Variants in ARID4B observed in about 807,000 individuals in gnomAD.
ARID4B encodes AT-rich interaction domain 4B.
In ARID4B, 26 loss-of-function variants were observed where a neutral mutation model predicts 147.5. That is an observed-to-expected ratio of 0.18 (90% confidence interval 0.13 to 0.24). The LOEUF (loss-of-function observed/expected upper bound fraction) is 0.24. Among genes scored for constraint, ARID4B ranks in the 10% least tolerant of loss-of-function variants. The probability of loss-of-function intolerance (pLI) is 1.00; values close to 1 mark genes in which losing one functional copy is unlikely to be tolerated. For synonymous variants in ARID4B, 512 were observed against 507.9 expected, an observed-to-expected ratio of 1.01 and a Z score of -0.11; for missense variants, 1,179 against 1,511.5, an observed-to-expected ratio of 0.78 and a Z score of 3.65.
chr1:235,279,148 C>G (rs771231990), intron 2 of ARID4B, among the ~76,000 whole-genome samples: 2 of 152,076 alleles, frequency 1.3e-5, no homozygotes, highest in Non-Finnish European at 2.9e-5. Flanking sequence ...AGAAACTCTC[C>G]GGGAGGGAAA....
At chr1:235,279,285 C>T (rs1671522130) in intron 2 of ARID4B, among the ~76,000 whole-genome samples, 1 of 151,970 alleles carries the variant, frequency 6.6e-6, no homozygotes, top group Non-Finnish European at 1.5e-5. Flanking sequence ...AATAGATATG[C>T]TCAGAAACTA....
chr1:235,211,538 C>G (rs1666721673), intron 17 of ARID4B, among the ~76,000 whole-genome samples: 1 of 152,160 alleles, frequency 6.6e-6, no homozygotes, highest in African/African-American at 2.4e-5. Flanking sequence ...GTGACTCTAT[C>G]TCATGGGCAT....
intron 19 of ARID4B, among the ~76,000 whole-genome samples, chr1:235,187,369 C>T (rs998978569): frequency 1.3e-5 from 2 of 152,178 alleles, no homozygotes; most frequent in African/African-American, 4.8e-5. Flanking sequence ...CAGGTGTGAG[C>T]CACCGTGCCC....
chr1:235,297,698 T>C (rs552968732), intron 2 of ARID4B, among the ~76,000 whole-genome samples: 2 of 152,098 alleles, frequency 1.3e-5, no homozygotes, highest in Non-Finnish European at 2.9e-5. Context: ...CAGCACCTCT[T>C]ATAAACAATG....
At chr1:235,272,821 T>TTTG (rs71172283) in intron 2 of ARID4B, among the ~76,000 whole-genome samples, 64,465 of 151,660 alleles carry the variant, frequency 0.43, 14,340 homozygotes, top group South Asian at 0.6. Context: ...TCTATATTAA[T>TTTG]TTATTATTAC....
At chr1:235,169,333 T>C (rs6670078) in intron 23 of ARID4B, among the ~76,000 whole-genome samples, 71,207 of 150,422 alleles carry the variant, frequency 0.47, 17,143 homozygotes, top group South Asian at 0.62. Context: ...TTCTGCCTCC[T>C]GAGTTCACGC....
At chr1:235,170,910 CAAAA>C (rs1164420998) in intron 23 of ARID4B, among the ~76,000 whole-genome samples, 3 of 61,446 alleles carry the variant, frequency 4.9e-5, no homozygotes, top group Non-Finnish European at 6.9e-5. Flanking sequence ...GACTCCGTCT[CAAAA>C]AAAAAAAAAA....
Position 235,192,954 on chromosome 1 carries a change from G to A in ARID4B, c.2125+1059C>T, listed in dbSNP as rs371269247. On this transcript the variant is annotated intron_variant, in intron 19 of 23. Coordinates refer to ENST00000264183, the MANE Select transcript of ARID4B (RefSeq NM_016374.6). ...TAAAAATACAGAAAATTAGCCAGGC[G>A]CAGTGGCGGGCGCCTGTAGTCCCAG... Among the ~76,000 whole-genome samples, 43 of 152,258 alleles carry A rather than the reference G, an allele frequency of 2.8e-4. No individual in the cohort carries two copies. The East Asian group carries it at 5.2e-3, about 18-fold the overall frequency.
intron 2 of ARID4B, among the ~76,000 whole-genome samples, chr1:235,287,789 C>T (rs75847483): frequency 6.6e-6 from 1 of 152,192 alleles, no homozygotes; most frequent in East Asian, 1.9e-4. Context: ...CTTTATAAAA[C>T]TATAAAAATA....
At chr1:235,180,139 T>TTTTC (rs1664214041) in intron 20 of ARID4B, 1 of 67,674 alleles carries the variant, frequency 1.5e-5, no homozygotes, top group African/African-American at 4.1e-5. Context: ...TGTTTTTTCT[T>TTTTC]TTTTTTTTTT....
intron 9 of ARID4B, among the ~76,000 whole-genome samples, 168 bp from the exon 10 acceptor site, chr1:235,231,357 C>T (rs1029676848): frequency 1.3e-5 from 2 of 152,160 alleles, no homozygotes; most frequent in Non-Finnish European, 2.9e-5. Flanking sequence ...AAATAACATA[C>T]AAGACAGGAT....
At chr1:235,300,505 C>T (rs1483221271) in intron 2 of ARID4B, among the ~76,000 whole-genome samples, 1 of 151,964 alleles carries the variant, frequency 6.6e-6, no homozygotes, top group Non-Finnish European at 1.5e-5. Flanking sequence ...CCCATTTTCC[C>T]TATCTGTAAA....
chr1:235,191,333 C>G lies in ARID4B; in HGVS notation c.2125+2680G>C, dbSNP rs541557732. ...GTGTGATCTTGACTCACTGCAACCT[C>G]TGCCTCCTGGGTTCAAGCGATTCTC... On this transcript the variant is annotated intron_variant, in intron 19 of 23. Transcript: ENST00000264183. 2.6e-5 allele frequency among the ~76,000 whole-genome samples: 4 copies of G among 151,970 alleles called. No individual in the cohort carries two copies. The South Asian group carries it at 8.3e-4, about 32-fold the overall frequency.
At chr1:235,174,109 G>A (rs953335574) in intron 22 of ARID4B, among the ~76,000 whole-genome samples, 1 of 151,048 alleles carries the variant, frequency 6.6e-6, no homozygotes, top group Non-Finnish European at 1.5e-5. Flanking sequence ...GCGCAACCTC[G>A]GCTCACTGCA....
chr1:235,281,305 C>A (rs1671654859), intron 2 of ARID4B, among the ~76,000 whole-genome samples: 1 of 152,082 alleles, frequency 6.6e-6, no homozygotes, highest in Admixed American at 6.6e-5. Flanking sequence ...AATCTCAGCA[C>A]TTTGGGAGGC....
chr1:235,189,448 GC>G (rs1664932728), intron 19 of ARID4B, among the ~76,000 whole-genome samples: 1 of 141,040 alleles, frequency 7.1e-6, no homozygotes, highest in South Asian at 2.3e-4. Flanking sequence ...AAACATTACA[GC>G]AAAAAGTCAA....
At chr1:235,275,300 G>C (rs746574313) in intron 2 of ARID4B, among the ~76,000 whole-genome samples, 1 of 152,200 alleles carries the variant, frequency 6.6e-6, no homozygotes, top group African/African-American at 2.4e-5. Flanking sequence ...GGGCCGATCG[G>C]TTTTACTCTG....
chr1:235,214,373 A>AG (rs1666914391), intron 16 of ARID4B, among the ~76,000 whole-genome samples: 1 of 152,180 alleles, frequency 6.6e-6, no homozygotes, highest in Non-Finnish European at 1.5e-5. Context: ...TTAACATCTC[A>AG]ATTGACAAAA....
rs780154577 is a variant in ARID4B, at chr1:235,182,399, G to T, written c.2520C>A (p.Gly840=). The change falls in exon 20 of 24, where the codon GGC becomes GGA. Residue 840 remains glycine (G), a synonymous_variant. Coordinates refer to ENST00000264183, the MANE Select transcript of ARID4B (RefSeq NM_016374.6). ...TGTTCTTGGCCTTCTCTTCCTTTTT[G>T]CCAGGTGATCCAGTTTTTAGACACT... ...TEECLKTGSP[G]KKEEKAKNKE... The T allele has an allele frequency of 1.2e-5, 20 of 1,607,562 alleles. No homozygotes were observed. The highest frequency in any genetic ancestry group is 2.7e-5 in the African/African-American group (2 of 74,194).
Sources: gnomAD v4.1 joint callset for allele counts (sites outside exome capture counted in the v4.1 genomes callset) on GRCh38, gnomAD v4.1.1 for gene constraint, MANE v1.5 for transcripts, NCBI Gene and HGNC (gene_info 2026-07-23, HGNC 2026-07-21) for gene names.